ANKS1B: variants seen among roughly 807,000 people sequenced by gnomAD.
ANKS1B encodes ankyrin repeat and sterile alpha motif domain-containing protein 1B.
A neutral mutation model predicts 148.3 loss-of-function variants in ANKS1B; 36 were observed. The ratio of observed to expected loss-of-function variants is 0.24; its 90% confidence interval spans 0.19 to 0.32. ANKS1B has a LOEUF of 0.32. Ranked by LOEUF, ANKS1B falls within the 10% of genes least tolerant of loss-of-function variation. The pLI is 1.00. For missense variants in ANKS1B, 1,157 were observed against 1,542.6 expected (o/e 0.75, Z 4.19); for synonymous variants, 542 against 560.8 (o/e 0.97, Z 0.47).
At position 98,827,266 on chromosome 12, in the gene ANKS1B, G is replaced by A. The variant is rs990126236; in HGVS notation, c.3066+1908C>T. On this transcript the variant is annotated intron_variant, in intron 19 of 26. Transcript: ENST00000683438. The stretch of plus-strand genomic sequence containing the variant: ...TTCTCTGCAGCAGAAGTGCTGTATT[G>A]AACAGCAGGCTTTTAGAAAGCTTCT... Among the ~76,000 whole-genome samples, 6 of 152,208 alleles carry A rather than the reference G, an allele frequency of 3.9e-5. 1 individual carries two copies. The highest frequency in any genetic ancestry group is 1.9e-4 in the East Asian group (1 of 5,178).
At chr12:99,326,463 C>T (rs1441474520) in intron 12 of ANKS1B, among the ~76,000 whole-genome samples, 7 of 151,598 alleles carry the variant, frequency 4.6e-5, no homozygotes, top group Admixed American at 4.6e-4. Context: ...AATCAGAAAT[C>T]ATTAGGCATC....
chr12:99,076,830 G>GT (rs1210866334), intron 16 of ANKS1B, among the ~76,000 whole-genome samples: 3 of 152,096 alleles, frequency 2.0e-5, no homozygotes, highest in Non-Finnish European at 2.9e-5. Context: ...TCTATTGCCT[G>GT]TTTTTTTAAA....
At chr12:98,774,534 T>G (rs1353771) in intron 24 of ANKS1B, among the ~76,000 whole-genome samples, 131,754 of 152,264 alleles carry the variant, frequency 0.87, 57,110 homozygotes, top group East Asian at 1. Flanking sequence ...TCACATAATC[T>G]TGCAATCATT....
At chr12:99,029,804 A>G (rs1362109372) in intron 17 of ANKS1B, among the ~76,000 whole-genome samples, 1 of 152,206 alleles carries the variant, frequency 6.6e-6, no homozygotes, top group Non-Finnish European at 1.5e-5. Context: ...ATGTGAATAG[A>G]CCTGGGCTTG....
intron 1 of ANKS1B, among the ~76,000 whole-genome samples, chr12:99,973,467 C>T (rs182077303): frequency 6.6e-6 from 1 of 152,274 alleles, no homozygotes; most frequent in Non-Finnish European, 1.5e-5. Flanking sequence ...GTGGTCCCAG[C>T]TACACAGGAG....
chr12:99,036,158 G>A (rs1398587065), intron 17 of ANKS1B, among the ~76,000 whole-genome samples: 2 of 152,324 alleles, frequency 1.3e-5, no homozygotes, highest in Admixed American at 1.3e-4. Context: ...AGCAGCATAA[G>A]AAGTCAGTGG....
chr12:98,869,693 G>A (rs150424421), intron 17 of ANKS1B, among the ~76,000 whole-genome samples: 3,010 of 34,790 alleles, frequency 0.087, 112 homozygotes, highest in African/African-American at 0.34. Context: ...ACATATGTAT[G>A]TGTGTGTATG....
At chr12:99,634,532 C>A (rs966116765) in intron 9 of ANKS1B, among the ~76,000 whole-genome samples, 4 of 152,112 alleles carry the variant, frequency 2.6e-5, no homozygotes, top group African/African-American at 9.7e-5. Flanking sequence ...TAAAAAGAGA[C>A]TTGAAAACAG....
intron 8 of ANKS1B, among the ~76,000 whole-genome samples, chr12:99,689,566 G>A (rs2098668054): frequency 6.6e-6 from 1 of 152,144 alleles, no homozygotes; most frequent in South Asian, 2.1e-4. Flanking sequence ...AATCAAGCTG[G>A]GTTAGCTCAA....
chr12:99,241,272 C>A (rs186626910), intron 14 of ANKS1B, among the ~76,000 whole-genome samples: 2 of 152,222 alleles, frequency 1.3e-5, no homozygotes, highest in Non-Finnish European at 2.9e-5. Context: ...ATAAACACCT[C>A]TACGCAAATG....
At chr12:99,385,135 C>T (rs76668190) in intron 12 of ANKS1B, among the ~76,000 whole-genome samples, 4,345 of 122,350 alleles carry the variant, frequency 0.036, 205 homozygotes, top group African/African-American at 0.12. Flanking sequence ...CAATAATAGA[C>T]GTTTGGTTTT....
At chr12:99,866,660 T>G (rs921171626) in intron 1 of ANKS1B, among the ~76,000 whole-genome samples, 6 of 152,214 alleles carry the variant, frequency 3.9e-5, no homozygotes, top group African/African-American at 1.4e-4. Context: ...AAATATGCAT[T>G]ACTGTATTAA....
chr12:99,111,372 T>C (rs1237455021), intron 15 of ANKS1B, among the ~76,000 whole-genome samples: 1 of 152,218 alleles, frequency 6.6e-6, no homozygotes, highest in Non-Finnish European at 1.5e-5. Flanking sequence ...AAGAGTATAA[T>C]TTCTATTTCT....
intron 8 of ANKS1B, among the ~76,000 whole-genome samples, chr12:99,742,794 C>T (rs1181813184): frequency 1.4e-5 from 2 of 146,308 alleles, no homozygotes; most frequent in African/African-American, 5.1e-5. Flanking sequence ...GCCAAGATCG[C>T]ACCACTGCCA....
At chr12:98,900,200 A>G (rs2099770139) in intron 17 of ANKS1B, among the ~76,000 whole-genome samples, 1 of 152,214 alleles carries the variant, frequency 6.6e-6, no homozygotes. Flanking sequence ...TGTAAGAAAA[A>G]TTTATTTACG....
intron 21 of ANKS1B, among the ~76,000 whole-genome samples, chr12:98,800,149 C>A (rs1252733835): frequency 6.1e-5 from 9 of 148,600 alleles, no homozygotes; most frequent in Admixed American, 2.0e-4. Flanking sequence ...TTGGGCAGTA[C>A]CACTGAAATA....
chr12:99,921,281 G>A (rs1270061072), intron 1 of ANKS1B, among the ~76,000 whole-genome samples: 1 of 151,888 alleles, frequency 6.6e-6, no homozygotes, highest in Non-Finnish European at 1.5e-5. Flanking sequence ...TTTTATAAGG[G>A]GCTCTTCCCC....
In ANKS1B at chr12:99,326,983, TATATATA is replaced by T. The variant is rs371141735; in HGVS notation, c.1756+72641_1756+72647del. Among the ~76,000 whole-genome samples the T allele has an allele frequency of 7.8e-3, 1,100 of 141,470 alleles. 12 individuals are homozygous for T. The highest frequency in any genetic ancestry group is 0.027 in the African/African-American group (1,033 of 38,212). 92.8% of individuals were successfully genotyped at this position (141,470 alleles called of 152,430 possible). A position where few individuals can be genotyped will look rare whatever the true frequency, so the allele number is the denominator to read the frequency against. ...AGTATATGTATACAAACCTAGATTT[TATATATA>T]ATATATAATACATAATTTATATATT... On this transcript the variant is annotated intron_variant, in intron 12 of 26. Coordinates refer to ENST00000683438, the MANE Select transcript of ANKS1B (RefSeq NM_001352186.2).
At chr12:99,073,813 C>G (rs2047006370) in intron 16 of ANKS1B, among the ~76,000 whole-genome samples, 1 of 152,180 alleles carries the variant, frequency 6.6e-6, no homozygotes, top group African/African-American at 2.4e-5. Flanking sequence ...CACAAACACA[C>G]AAGCAACTCA....
Sources: allele counts gnomAD v4.1 joint callset (sites outside exome capture counted in the v4.1 genomes callset), GRCh38; gene constraint gnomAD v4.1.1; transcripts MANE v1.5; gene names NCBI Gene and HGNC (gene_info 2026-07-23, HGNC 2026-07-21).